Variants in PDE8A observed in about 807,000 individuals in gnomAD.
PDE8A encodes high affinity cAMP-specific and IBMX-insensitive 3',5'-cyclic phosphodiesterase 8A.
PDE8A carries 59 observed loss-of-function variants against 105.0 expected under a neutral mutation model. The observed-to-expected ratio is 0.56, with a 90% CI of 0.46 to 0.70. The LOEUF (loss-of-function observed/expected upper bound fraction) is 0.70. PDE8A is among the 30% of genes least tolerant of loss of function. The pLI is 0.00. For missense variants in PDE8A, 1,014 were observed against 1,045.9 expected (o/e 0.97, Z 0.42); for synonymous variants, 355 against 371.9 (o/e 0.95, Z 0.52).
At chr15:85,123,633 A>G (rs1256265204) in intron 19 of PDE8A, among the ~76,000 whole-genome samples, 2 of 152,118 alleles carry the variant, frequency 1.3e-5, no homozygotes, top group Non-Finnish European at 2.9e-5. Flanking sequence ...CCACCAGATT[A>G]AGGGTGGATC....
intron 11 of PDE8A, 56 bp from the exon 12 acceptor site, chr15:85,108,997 C>A: frequency 1.6e-6 from 2 of 1,238,696 alleles, no homozygotes; most frequent in Non-Finnish European, 1.2e-6. Context: ...TGGTAACCTT[C>A]CTTAATATGT....
At chr15:85,104,171 A>C (rs538832572) in intron 11 of PDE8A, among the ~76,000 whole-genome samples, 2 of 152,360 alleles carry the variant, frequency 1.3e-5, no homozygotes, top group East Asian at 1.9e-4. Context: ...GACTGTAAGC[A>C]TACAGAAATG....
chr15:84,998,122 A>G (rs2080009514), intron 1 of PDE8A, among the ~76,000 whole-genome samples: 1 of 152,244 alleles, frequency 6.6e-6, no homozygotes, highest in Admixed American at 6.5e-5. Context: ...TTCTTAAGAA[A>G]TCATTCCTGA....
chr15:85,071,449 GT>G (rs2081309380), intron 3 of PDE8A, among the ~76,000 whole-genome samples: 1 of 152,236 alleles, frequency 6.6e-6, no homozygotes, highest in Non-Finnish European at 1.5e-5. Flanking sequence ...CAGAGACATG[GT>G]TTTTCCTACT....
chr15:85,037,217 G>C (rs376180848), intron 1 of PDE8A, among the ~76,000 whole-genome samples: 2 of 151,902 alleles, frequency 1.3e-5, no homozygotes, highest in East Asian at 3.9e-4. Context: ...AGGTGCCCAC[G>C]ACCACGCCCA....
chr15:84,985,591 C>A (rs1026168526), intron 1 of PDE8A, among the ~76,000 whole-genome samples: 2 of 152,104 alleles, frequency 1.3e-5, no homozygotes, highest in African/African-American at 4.8e-5. Flanking sequence ...TTGCAAACAC[C>A]CACTGCACTG....
chr15:85,114,077 G>A lies in PDE8A; in HGVS notation c.1350+40G>A. 1.9e-6 allele frequency: 3 copies of A among 1,554,430 alleles called. No homozygotes were observed. In the South Asian group the frequency reaches 3.4e-5, roughly 18 times the overall value. Reference sequence around the variant, plus strand: ...CTAGACTCTTGGCTAGAGCCTGTCTGTTCTTGGTTGTTTTCTCAGAGGTTA... The same window carrying A: ...CTAGACTCTTGGCTAGAGCCTGTCTATTCTTGGTTGTTTTCTCAGAGGTTA... On this transcript the variant is annotated intron_variant, in intron 14 of 21. Transcript: ENST00000394553.
chr15:85,136,441 C>T, intron 20 of PDE8A, 93 bp from the exon 21 acceptor site: 1 of 1,376,940 alleles, frequency 7.3e-7, no homozygotes, highest in African/African-American at 1.4e-5. Context: ...CCACCTTAGG[C>T]TGCCAGGAGA....
chr15:85,034,346 C>T, intron 1 of PDE8A, among the ~76,000 whole-genome samples: 1 of 151,922 alleles, frequency 6.6e-6, no homozygotes. Flanking sequence ...TTCAGTCCAC[C>T]AAGAGATAAC....
chr15:85,085,419 G>A (rs1183454240), intron 6 of PDE8A, among the ~76,000 whole-genome samples: 1 of 152,204 alleles, frequency 6.6e-6, no homozygotes, highest in Non-Finnish European at 1.5e-5. Context: ...CCAGAAACAG[G>A]CCGGGCACGG....
intron 6 of PDE8A, 81 bp from the exon 7 acceptor site, chr15:85,089,257 T>TGAG: frequency 1.3e-6 from 1 of 766,130 alleles, no homozygotes; most frequent in South Asian, 1.7e-5. Context: ...GGACAAAAAA[T>TGAG]ACATTTAAAT....
At chr15:84,991,205 A>G (rs910057595) in intron 1 of PDE8A, among the ~76,000 whole-genome samples, 1 of 152,244 alleles carries the variant, frequency 6.6e-6, no homozygotes, top group African/African-American at 2.4e-5. Flanking sequence ...AAAGAGAGTG[A>G]AAAGGAAAGC....
chr15:85,131,800 T>A (rs1045046238), intron 20 of PDE8A, among the ~76,000 whole-genome samples: 29 of 152,328 alleles, frequency 1.9e-4, no homozygotes, highest in African/African-American at 7.0e-4. Context: ...ATGAATTCCC[T>A]TGGCTTATGT....
intron 1 of PDE8A, among the ~76,000 whole-genome samples, chr15:85,003,263 T>A (rs571373793): frequency 7.4e-4 from 113 of 152,340 alleles, no homozygotes; most frequent in Non-Finnish European, 1.4e-3. Flanking sequence ...TTTGTTTCCT[T>A]GGGCTACTTT....
intron 1 of PDE8A, among the ~76,000 whole-genome samples, chr15:85,023,313 C>T (rs1209962229): frequency 2.0e-5 from 3 of 152,132 alleles, no homozygotes; most frequent in Non-Finnish European, 4.4e-5. Flanking sequence ...TCTTGGTGGC[C>T]TCAGTCTGCA....
chr15:85,111,117 G>A (rs1196430091), intron 12 of PDE8A, among the ~76,000 whole-genome samples: 2 of 152,158 alleles, frequency 1.3e-5, no homozygotes, highest in Non-Finnish European at 2.9e-5. Context: ...ATATTGTCTA[G>A]ATATGGGTTA....
chr15:85,099,909 T>A lies in PDE8A; in HGVS notation c.942-106T>A, dbSNP rs2081830030. ...TGAGAAGAAATGTTCTCAGAGCGTTTTGTGTATTGCAAAAGGGAGGTGCCA... is the reference window on the plus strand; with the variant it reads ...TGAGAAGAAATGTTCTCAGAGCGTTATGTGTATTGCAAAAGGGAGGTGCCA... On this transcript the variant is annotated intron_variant, in intron 9 of 21. Transcript: ENST00000394553. The A allele has an allele frequency of 1.9e-5, 16 of 823,656 alleles. No individual in the cohort carries two copies. In the South Asian group the frequency reaches 2.6e-4, roughly 13 times the overall value. The allele number at this position is 823,656 out of a possible 1,614,324, so 51.0% of individuals were successfully genotyped here. A position where few individuals can be genotyped will look rare whatever the true frequency, so the allele number is the denominator to read the frequency against.
chr15:85,123,119 A>T lies in PDE8A; in HGVS notation c.2011A>T (p.Thr671Ser). 1.2e-6 allele frequency: 2 copies of T among 1,614,104 alleles called. No individual in the cohort carries two copies. The highest frequency in any genetic ancestry group is 1.7e-6 in the Non-Finnish European group (2 of 1,179,942). The change falls in exon 19 of 22, where the codon ACA becomes TCA. Residue 671 changes from threonine (T) to serine (S), a missense_variant. Physicochemically the swap from Thr to Ser is moderately conservative, Grantham distance 58. Coordinates refer to ENST00000394553, the MANE Select transcript of PDE8A (RefSeq NM_002605.3). Reference sequence around the variant, plus strand: ...CGACATGGTCTTAGCCACAGAAATGACAAAGCACTTTGAGCATGTCAACAA... The same window carrying T: ...CGACATGGTCTTAGCCACAGAAATGTCAAAGCACTTTGAGCATGTCAACAA... ...IIDMVLATEMTKHFEHVNKFV... is the reference protein window; with the variant it reads ...IIDMVLATEMSKHFEHVNKFV...
At chr15:85,014,802 T>C (rs190591459) in intron 1 of PDE8A, among the ~76,000 whole-genome samples, 14 of 152,294 alleles carry the variant, frequency 9.2e-5, no homozygotes, top group Admixed American at 4.6e-4. Flanking sequence ...TACTCGCCCT[T>C]ATAAAGTAGA....
Sources: gnomAD v4.1 joint callset for allele counts (sites outside exome capture counted in the v4.1 genomes callset) on GRCh38, gnomAD v4.1.1 for gene constraint, MANE v1.5 for transcripts, NCBI Gene and HGNC (gene_info 2026-07-23, HGNC 2026-07-21) for gene names.